Variants in DLG2 observed in about 807,000 individuals in gnomAD.
DLG2 encodes disks large homolog 2.
DLG2 carries 45 observed loss-of-function variants against 132.5 expected under a neutral mutation model. The observed-to-expected ratio is 0.34, with a 90% CI of 0.27 to 0.44. The LOEUF (loss-of-function observed/expected upper bound fraction) is 0.44. DLG2 is among the 20% of genes least tolerant of loss of function. DLG2 has a pLI of 1.00. For synonymous variants in DLG2, 424 were observed against 419.6 expected, an observed-to-expected ratio of 1.01 and a Z score of -0.13; for missense variants, 1,045 against 1,196.9, an observed-to-expected ratio of 0.87 and a Z score of 1.87.
chr11:84,435,611 T>C (rs934558837), intron 7 of DLG2, among the ~76,000 whole-genome samples: 7 of 152,184 alleles, frequency 4.6e-5, no homozygotes, highest in Non-Finnish European at 8.8e-5. Context: ...TATCTTACTC[T>C]CTGAGTAAGG....
intron 6 of DLG2, among the ~76,000 whole-genome samples, chr11:84,569,130 T>C (rs1340810728): frequency 6.6e-6 from 1 of 152,098 alleles, no homozygotes. Flanking sequence ...GCCCTACCAG[T>C]GTCAGAGCAA....
At chr11:84,330,102 T>C (rs2098451915) in intron 7 of DLG2, among the ~76,000 whole-genome samples, 3 of 152,178 alleles carry the variant, frequency 2.0e-5, no homozygotes, top group African/African-American at 7.2e-5. Flanking sequence ...TGCTCAACAA[T>C]GTCTATTTAT....
At chr11:84,837,526 T>C (rs1281800621) in intron 6 of DLG2, among the ~76,000 whole-genome samples, 4 of 151,712 alleles carry the variant, frequency 2.6e-5, no homozygotes, top group African/African-American at 9.7e-5. Flanking sequence ...CTGCCCTAAA[T>C]CTCAACCTGC....
intron 11 of DLG2, among the ~76,000 whole-genome samples, chr11:84,040,064 G>A (rs926642580): frequency 6.6e-6 from 1 of 151,730 alleles, no homozygotes; most frequent in Non-Finnish European, 1.5e-5. Context: ...TTTTGATAGG[G>A]TTGTTTGTTT....
intron 6 of DLG2, among the ~76,000 whole-genome samples, chr11:85,070,563 A>C (rs1442837235): frequency 1.3e-5 from 2 of 151,822 alleles, no homozygotes; most frequent in African/African-American, 4.8e-5. Flanking sequence ...TATCCCCTAA[A>C]TCTATAAAAA....
chr11:85,447,433 A>G (rs989687700), intron 3 of DLG2, among the ~76,000 whole-genome samples: 4 of 152,158 alleles, frequency 2.6e-5, no homozygotes, highest in African/African-American at 9.7e-5. Flanking sequence ...ATGACTGGTG[A>G]CTTTATAAGA....
At chr11:84,176,690 C>T (rs2095978481) in intron 8 of DLG2, among the ~76,000 whole-genome samples, 1 of 151,978 alleles carries the variant, frequency 6.6e-6, no homozygotes, top group African/African-American at 2.4e-5. Flanking sequence ...GTTCTGGACT[C>T]TGAATTTTAT....
chr11:84,507,506 C>G (rs950171455), intron 7 of DLG2, among the ~76,000 whole-genome samples: 3 of 152,144 alleles, frequency 2.0e-5, no homozygotes, highest in African/African-American at 7.2e-5. Context: ...AAACTGAGTA[C>G]TAGATGCTGA....
chr11:84,864,391 G>T (rs2084238359), intron 6 of DLG2, among the ~76,000 whole-genome samples: 4 of 152,106 alleles, frequency 2.6e-5, no homozygotes, highest in Admixed American at 2.6e-4. Context: ...CTATGGATTA[G>T]CCTGGATCAA....
intron 18 of DLG2, among the ~76,000 whole-genome samples, chr11:83,635,689 G>T (rs191628980): frequency 1.3e-5 from 2 of 152,100 alleles, no homozygotes; most frequent in African/African-American, 4.8e-5. Context: ...GTGTAATTTG[G>T]ATATTTTCCT....
At chr11:84,101,873 G>A (rs937632355) in intron 9 of DLG2, among the ~76,000 whole-genome samples, 1 of 151,996 alleles carries the variant, frequency 6.6e-6, no homozygotes, top group African/African-American at 2.4e-5. Flanking sequence ...GTTTGGAGAG[G>A]GTACTCAAAA....
intron 3 of DLG2, among the ~76,000 whole-genome samples, chr11:85,516,839 A>G (rs189321766): frequency 4.6e-5 from 7 of 152,212 alleles, no homozygotes. Context: ...AATTCCACCA[A>G]AAGTACAAAA....
intron 3 of DLG2, among the ~76,000 whole-genome samples, chr11:85,389,879 A>C (rs1162015389): frequency 6.6e-6 from 1 of 152,306 alleles, no homozygotes. Flanking sequence ...TCTTGAAACA[A>C]ATCCTTGAAA....
chr11:85,124,267 A>G (rs2074792526), intron 5 of DLG2, among the ~76,000 whole-genome samples: 1 of 152,246 alleles, frequency 6.6e-6, no homozygotes, highest in South Asian at 2.1e-4. Flanking sequence ...TTAAGTATTT[A>G]TGTGACCTGT....
chr11:83,526,009 A>G (rs947753989), intron 21 of DLG2, among the ~76,000 whole-genome samples: 4 of 152,134 alleles, frequency 2.6e-5, no homozygotes, highest in African/African-American at 9.7e-5. Context: ...AATTAAGTCA[A>G]TGGCCATATG....
intron 6 of DLG2, among the ~76,000 whole-genome samples, chr11:84,567,373 G>T (rs1432512966): frequency 6.6e-6 from 1 of 152,128 alleles, no homozygotes; most frequent in Non-Finnish European, 1.5e-5. Context: ...TAGGGAAGAA[G>T]AAGTTATATT....
rs79304146 is a variant in DLG2, at chr11:85,558,890, C to T, written c.40+39767G>A. The stretch of plus-strand genomic sequence containing the variant: ...AATCATACCTCAAACCTCAGCATCA[C>T]ACAATATACTCAGGTAACAAACCTG... On this transcript the variant is annotated intron_variant, in intron 3 of 27. Transcript: ENST00000376104. Among the ~76,000 whole-genome samples the T allele has an allele frequency of 3.0e-4, 45 of 151,872 alleles. 1 individual carries two copies. The East Asian group carries it at 8.7e-3, about 29-fold the overall frequency.
At chr11:85,308,317 A>G (rs923858657) in intron 3 of DLG2, among the ~76,000 whole-genome samples, 2 of 151,542 alleles carry the variant, frequency 1.3e-5, no homozygotes, top group African/African-American at 4.8e-5. Flanking sequence ...TAGTTATCCT[A>G]TTTACCCCTT....
intron 16 of DLG2, among the ~76,000 whole-genome samples, chr11:83,834,083 A>G (rs557482615): frequency 6.6e-6 from 1 of 152,324 alleles, no homozygotes; most frequent in East Asian, 1.9e-4. Flanking sequence ...AGTAGTACTC[A>G]GTATGACGGA....
Sources: allele counts gnomAD v4.1 joint callset (sites outside exome capture counted in the v4.1 genomes callset), GRCh38; gene constraint gnomAD v4.1.1; transcripts MANE v1.5; gene names NCBI Gene and HGNC (gene_info 2026-07-23, HGNC 2026-07-21).